The following SHANK2 variants were observed in gnomAD, a reference collection of about 807,000 sequenced individuals.
SHANK2 encodes SH3 and multiple ankyrin repeat domains 2.
Under a neutral mutation model 133.7 loss-of-function variants are expected in SHANK2, and 43 were observed. The ratio of observed to expected loss-of-function variants is 0.32; its 90% confidence interval spans 0.25 to 0.41. SHANK2 has a LOEUF of 0.41. Among genes scored for constraint, SHANK2 ranks in the 10% least tolerant of loss-of-function variants. The probability of loss-of-function intolerance (pLI) is 1.00; values close to 1 mark genes in which losing one functional copy is unlikely to be tolerated. For missense variants in SHANK2, 1,994 were observed against 2,235.8 expected (o/e 0.89, Z 2.18); for synonymous variants, 1,017 against 952.8 (o/e 1.07, Z -1.24).
intron 14 of SHANK2, among the ~76,000 whole-genome samples, chr11:70,784,352 T>TG (rs1555045935): frequency 8.0e-6 from 1 of 124,550 alleles, no homozygotes; most frequent in Non-Finnish European, 1.6e-5. Context: ...AGTTTTTTTT[T>TG]TTTTTTTTTT....
At chr11:70,720,077 C>T (rs781858714) in intron 14 of SHANK2, among the ~76,000 whole-genome samples, 2 of 152,198 alleles carry the variant, frequency 1.3e-5, no homozygotes, top group Non-Finnish European at 2.9e-5. Context: ...ACAGCTCCTG[C>T]TGGAAGGCAG....
At chr11:70,690,702 T>TAAATAC (rs1945270294) in intron 15 of SHANK2, among the ~76,000 whole-genome samples, 1 of 147,634 alleles carries the variant, frequency 6.8e-6, no homozygotes, top group Non-Finnish European at 1.5e-5. Flanking sequence ...AATATAAATA[T>TAAATAC]AAATATAAAT....
intron 2 of SHANK2, among the ~76,000 whole-genome samples, chr11:71,182,530 C>A (rs117606703): frequency 3.9e-5 from 6 of 152,166 alleles, no homozygotes; most frequent in Admixed American, 3.9e-4. Flanking sequence ...TGGCCTCAGG[C>A]GTTCCTTGGC....
At chr11:70,501,697 C>T (rs2059055294) in intron 20 of SHANK2, among the ~76,000 whole-genome samples, 1 of 152,210 alleles carries the variant, frequency 6.6e-6, no homozygotes, top group Admixed American at 6.5e-5. Context: ...TGCTTGCAGA[C>T]CTTACACAAA....
Position 71,225,236 on chromosome 11 carries a change from A to G in SHANK2, c.-112-440T>C, listed in dbSNP as rs1030728191. 3.9e-5 allele frequency among the ~76,000 whole-genome samples: 6 copies of G among 152,350 alleles called. No individual in the cohort carries two copies. In the South Asian group the frequency reaches 6.2e-4, roughly 16 times the overall value. ...GACAACAGGTCTACTCCAGCCAGACACTGCAGAAAAATCTGTGGCCTCAGC... is the reference window on the plus strand; with the variant it reads ...GACAACAGGTCTACTCCAGCCAGACGCTGCAGAAAAATCTGTGGCCTCAGC... On this transcript the variant is annotated intron_variant, in intron 1 of 25. Transcript: ENST00000601538.
At chr11:70,891,321 C>T (rs1454478026) in intron 11 of SHANK2, among the ~76,000 whole-genome samples, 4 of 151,948 alleles carry the variant, frequency 2.6e-5, no homozygotes, top group South Asian at 2.1e-4. Context: ...AAGACCACAG[C>T]GAAACCCCAT....
At position 71,167,140 on chromosome 11, in the gene SHANK2, G is replaced by T. The variant is rs1486033192; in HGVS notation, c.-12-19802C>A. Among the ~76,000 whole-genome samples, 11 of 152,046 alleles carry T rather than the reference G, an allele frequency of 7.2e-5. No individual in the cohort carries two copies. In the East Asian group the frequency reaches 1.9e-3, roughly 27 times the overall value. On this transcript the variant is annotated intron_variant, in intron 2 of 25. Transcript: ENST00000601538. ...AGATCAACAGGATCCCAAGGCAGAAGAATTTTTCTTAGTACAGAACAAAAT... is the reference window on the plus strand; with the variant it reads ...AGATCAACAGGATCCCAAGGCAGAATAATTTTTCTTAGTACAGAACAAAAT...
chr11:70,903,750 C>T (rs557577079), intron 10 of SHANK2, among the ~76,000 whole-genome samples: 2 of 152,310 alleles, frequency 1.3e-5, no homozygotes, highest in African/African-American at 2.4e-5. Context: ...ATTGCAACAC[C>T]GCAGAGACTT....
In SHANK2 at chr11:70,798,380, C is replaced by T. The variant is rs3017488; in HGVS notation, c.1777+63G>A. 6,595 of 710,958 alleles carry T rather than the reference C, an allele frequency of 9.3e-3. 311 individuals carry two copies. In the African/African-American group the frequency reaches 0.099, roughly 11 times the overall value. The allele number at this position is 710,958 out of a possible 1,614,324, so 44.0% of individuals were successfully genotyped here. A position where few individuals can be genotyped will look rare whatever the true frequency, so the allele number is the denominator to read the frequency against. On this transcript the variant is annotated intron_variant, in intron 14 of 25. Transcript: ENST00000601538. ...GGCCGAATCTTGCCACGGACAACAC[C>T]GACCACGGGCCTGAGATAGGCCTGC...
intron 8 of SHANK2, among the ~76,000 whole-genome samples, chr11:71,086,160 TAAATTATATA>T (rs1219201121): frequency 1.2e-4 from 1 of 8,432 alleles, no homozygotes; most frequent in Admixed American, 3.2e-3. Flanking sequence ...TATAATATAT[TAAATTATATA>T]ATATATTATG....
At chr11:70,825,652 C>T (rs1006935875) in intron 11 of SHANK2, among the ~76,000 whole-genome samples, 14 of 152,230 alleles carry the variant, frequency 9.2e-5, no homozygotes, top group Middle Eastern at 3.4e-3. Flanking sequence ...TATTTTGCAA[C>T]GAGCTGGGGC....
At chr11:71,069,946 C>T (rs1312931244) in intron 9 of SHANK2, among the ~76,000 whole-genome samples, 1 of 152,222 alleles carries the variant, frequency 6.6e-6, no homozygotes, top group Non-Finnish European at 1.5e-5. Context: ...TTTCTGCCCC[C>T]TGCATGAGTG....
chr11:70,801,532 C>T (rs1555050507), intron 13 of SHANK2, among the ~76,000 whole-genome samples: 2 of 152,202 alleles, frequency 1.3e-5, no homozygotes, highest in Non-Finnish European at 1.5e-5. Context: ...GAGTGTTCCT[C>T]ATATGGTGAG....
intron 17 of SHANK2, among the ~76,000 whole-genome samples, chr11:70,547,492 C>A (rs980489914): frequency 3.9e-5 from 6 of 152,082 alleles, no homozygotes; most frequent in Non-Finnish European, 8.8e-5. Context: ...AACTCCTGAC[C>A]TTGGGTGATC....
chr11:71,221,198 C>T (rs1250906463), intron 2 of SHANK2, among the ~76,000 whole-genome samples: 2 of 148,720 alleles, frequency 1.3e-5, no homozygotes, highest in Non-Finnish European at 3.0e-5. Context: ...GAGTGAGACT[C>T]CATCTCAAAA....
chr11:71,110,330 C>T (rs1261929044), intron 5 of SHANK2, among the ~76,000 whole-genome samples: 2 of 152,058 alleles, frequency 1.3e-5, no homozygotes, highest in South Asian at 2.1e-4. Context: ...CCCAGCTACT[C>T]GGGAGGTTGA....
intron 2 of SHANK2, among the ~76,000 whole-genome samples, chr11:71,171,885 C>T (rs763518832): frequency 1.3e-5 from 2 of 152,190 alleles, no homozygotes; most frequent in Admixed American, 6.5e-5. Context: ...AAGACAGTTG[C>T]GATGGGGGTC....
At chr11:70,754,603 T>C (rs979404491) in intron 14 of SHANK2, among the ~76,000 whole-genome samples, 2 of 152,216 alleles carry the variant, frequency 1.3e-5, no homozygotes, top group South Asian at 4.1e-4. Context: ...AGCCTGGAAC[T>C]TGTGGCCCAT....
intron 14 of SHANK2, among the ~76,000 whole-genome samples, chr11:70,726,716 C>A (rs1005785165): frequency 6.6e-6 from 1 of 152,218 alleles, no homozygotes; most frequent in African/African-American, 2.4e-5. Flanking sequence ...GACTTTGCAG[C>A]TCCTCTTATC....
Sources: gnomAD v4.1 joint callset for allele counts (sites outside exome capture counted in the v4.1 genomes callset) on GRCh38, gnomAD v4.1.1 for gene constraint, MANE v1.5 for transcripts, NCBI Gene and HGNC (gene_info 2026-07-23, HGNC 2026-07-21) for gene names.